The following PARD3B variants were observed in gnomAD, a reference collection of about 807,000 sequenced individuals.
PARD3B encodes the protein partitioning defective 3 homolog B.
PARD3B carries 103 observed loss-of-function variants against 130.2 expected under a neutral mutation model. The ratio of observed to expected loss-of-function variants is 0.79; its 90% CI spans 0.67 to 0.93. PARD3B has a LOEUF of 0.93. PARD3B is among the 40% of genes least tolerant of loss of function. The probability of loss-of-function intolerance (pLI) is 0.00; values close to 1 mark genes in which losing one functional copy is unlikely to be tolerated. For synonymous variants in PARD3B, 583 were observed against 553.2 expected (o/e 1.05, Z -0.76); for missense variants, 1,609 against 1,499.2 (o/e 1.07, Z -1.21).
At chr2:205,163,417 A>G (rs530274602) in intron 11 of PARD3B, among the ~76,000 whole-genome samples, 2 of 152,316 alleles carry the variant, frequency 1.3e-5, no homozygotes, top group East Asian at 3.9e-4. Context: ...CTAATTGTAA[A>G]TGTATGCACT....
At chr2:205,334,218 G>A (rs180889540) in intron 18 of PARD3B, among the ~76,000 whole-genome samples, 6 of 152,298 alleles carry the variant, frequency 3.9e-5, no homozygotes, top group African/African-American at 9.6e-5. Flanking sequence ...GCATGTGCTC[G>A]TGCATGTGTG....
At chr2:205,207,043 A>G (rs1360533897) in intron 15 of PARD3B, among the ~76,000 whole-genome samples, 3 of 145,470 alleles carry the variant, frequency 2.1e-5, no homozygotes, top group Non-Finnish European at 4.5e-5. Flanking sequence ...CAATCAAACT[A>G]GAACTCAGGA....
intron 16 of PARD3B, among the ~76,000 whole-genome samples, chr2:205,289,318 G>T (rs79842354): frequency 0.043 from 6,468 of 152,052 alleles, 443 homozygotes; most frequent in African/African-American, 0.14. Flanking sequence ...GCCATTCTGT[G>T]GGTTATAGAG....
At chr2:204,644,592 A>G (rs1017977425) in intron 1 of PARD3B, among the ~76,000 whole-genome samples, 1 of 152,124 alleles carries the variant, frequency 6.6e-6, no homozygotes, top group African/African-American at 2.4e-5. Context: ...AGAGAGTTAG[A>G]ATAATTTAAA....
In PARD3B at chr2:204,686,249, T is replaced by C. The variant is rs375634584; in HGVS notation, c.189T>C (p.Asp63=). The change falls in exon 2 of 23, where the codon GAT becomes GAC. Residue 63 remains aspartate, a synonymous_variant. Coordinates refer to ENST00000406610, the MANE Select transcript of PARD3B (RefSeq NM_001302769.2). ...ATGGAGGAATCCTGGATCCAGATGA[T>C]GTCTTGGCAGATGTTGTTGAAGATA... The part of the protein sequence containing the change: ...YTDGGILDPD[D]VLADVVEDKD... 2.1e-5 allele frequency: 34 copies of C among 1,612,438 alleles called. No homozygotes were observed. The African/African-American group carries it at 3.2e-4, about 15-fold the overall frequency.
intron 18 of PARD3B, among the ~76,000 whole-genome samples, chr2:205,339,793 A>G (rs144000168): frequency 1.3e-3 from 202 of 152,280 alleles, no homozygotes; most frequent in Admixed American, 2.4e-3. Context: ...GATGGTGACC[A>G]ATTTTATATA....
chr2:204,938,724 G>A (rs930339577), intron 2 of PARD3B, among the ~76,000 whole-genome samples: 2 of 152,218 alleles, frequency 1.3e-5, no homozygotes, highest in African/African-American at 4.8e-5. Context: ...CTCATCATCA[G>A]TGTTTTTAAA....
rs543852417 is a variant in PARD3B at position 205,619,437 on chromosome 2, T to A, written c.*3624T>A. The stretch of plus-strand genomic sequence containing the variant: ...CAATCAATGGCCTTCAAATTGGTGT[T>A]AAATTGGGAGAACACCCTACTGCTT... On this transcript the variant is annotated 3_prime_UTR_variant, in exon 23 of 23. Coordinates refer to ENST00000406610, the MANE Select transcript of PARD3B (RefSeq NM_001302769.2). 1 of 152,268 alleles carries A rather than the reference T, an allele frequency of 6.6e-6. No homozygotes were observed. Among genetic ancestry groups the A allele is most frequent in the East Asian group, 1.9e-4 (1 of 5,172 alleles). The allele number at this position is 152,268 out of a possible 1,614,324, so 9.4% of individuals were successfully genotyped here.
At chr2:205,204,644 G>A (rs893239285) in intron 15 of PARD3B, among the ~76,000 whole-genome samples, 2 of 152,058 alleles carry the variant, frequency 1.3e-5, no homozygotes, top group Non-Finnish European at 2.9e-5. Flanking sequence ...TAAGGAAGGA[G>A]TCCAGTTTCA....
At chr2:205,167,207 A>T (rs1417204077) in intron 11 of PARD3B, among the ~76,000 whole-genome samples, 2 of 152,094 alleles carry the variant, frequency 1.3e-5, no homozygotes, top group Non-Finnish European at 2.9e-5. Flanking sequence ...GGCACCAGTG[A>T]ATATACCACA....
At chr2:205,017,408 C>G (rs749352450) in intron 3 of PARD3B, among the ~76,000 whole-genome samples, 8 of 152,158 alleles carry the variant, frequency 5.3e-5, no homozygotes, top group Non-Finnish European at 8.8e-5. Context: ...AGTTGCCCCC[C>G]CATTCCTTTT....
At chr2:205,456,766 A>C (rs984201263) in intron 20 of PARD3B, among the ~76,000 whole-genome samples, 4 of 150,774 alleles carry the variant, frequency 2.7e-5, no homozygotes, top group Admixed American at 6.6e-5. Flanking sequence ...AATTATTTCT[A>C]GTCATAGTAT....
At chr2:204,980,401 A>C (rs1160774194) in intron 3 of PARD3B, among the ~76,000 whole-genome samples, 2 of 152,174 alleles carry the variant, frequency 1.3e-5, no homozygotes, top group African/African-American at 2.4e-5. Context: ...GGAGTTGACA[A>C]ATCTTTCTAG....
chr2:204,825,923 G>T (rs139705233), intron 2 of PARD3B, among the ~76,000 whole-genome samples: 8 of 152,196 alleles, frequency 5.3e-5, no homozygotes, highest in Non-Finnish European at 5.9e-5. Context: ...CTTTTTCACA[G>T]TATCTTATAT....
At chr2:204,819,074 A>C (rs2043241864) in intron 2 of PARD3B, among the ~76,000 whole-genome samples, 1 of 152,238 alleles carries the variant, frequency 6.6e-6, no homozygotes, top group African/African-American at 2.4e-5. Context: ...AGATACACAC[A>C]CATACACATA....
chr2:204,607,576 A>T (rs910862900), intron 1 of PARD3B, among the ~76,000 whole-genome samples: 4 of 152,188 alleles, frequency 2.6e-5, no homozygotes, highest in African/African-American at 9.6e-5. Flanking sequence ...CATTTTGAGA[A>T]TTGTGTCAAC....
At chr2:204,646,718 A>G (rs1444869583) in intron 1 of PARD3B, among the ~76,000 whole-genome samples, 3 of 151,990 alleles carry the variant, frequency 2.0e-5, no homozygotes, top group African/African-American at 4.8e-5. Flanking sequence ...GCCAGTTCAT[A>G]TTTCTATTAT....
chr2:205,140,726 A>G (rs2032881852), intron 10 of PARD3B, among the ~76,000 whole-genome samples: 1 of 152,150 alleles, frequency 6.6e-6, no homozygotes, highest in Non-Finnish European at 1.5e-5. Flanking sequence ...GTTTTAAAAG[A>G]TATATGCATA....
chr2:205,019,649 T>G (rs1392074989), intron 3 of PARD3B, among the ~76,000 whole-genome samples: 2 of 152,198 alleles, frequency 1.3e-5, no homozygotes, highest in Non-Finnish European at 2.9e-5. Flanking sequence ...ACACTTGTTA[T>G]GATGTCTTTT....
Sources: allele counts gnomAD v4.1 joint callset (sites outside exome capture counted in the v4.1 genomes callset), GRCh38; gene constraint gnomAD v4.1.1; transcripts MANE v1.5; gene names NCBI Gene and HGNC (gene_info 2026-07-23, HGNC 2026-07-21).